VIRMA: variants seen among roughly 807,000 people sequenced by gnomAD.
The protein encoded by VIRMA is vir like m6A methyltransferase associated.
VIRMA carries 65 observed loss-of-function variants against 182.4 expected under a neutral mutation model. The ratio of observed to expected loss-of-function variants is 0.36; its 90% CI spans 0.29 to 0.44. The LOEUF (loss-of-function observed/expected upper bound fraction) is 0.44, where lower values mean the gene tolerates loss of function less well. Ranked by LOEUF, VIRMA falls within the 20% of genes least tolerant of loss-of-function variation. The probability of loss-of-function intolerance (pLI) is 1.00; values close to 1 mark genes in which losing one functional copy is unlikely to be tolerated. For missense variants in VIRMA, 1,752 were observed against 2,158.1 expected (o/e 0.81, Z 3.73); for synonymous variants, 709 against 743.1 (o/e 0.95, Z 0.75).
In VIRMA at chr8:94,525,121, A is replaced by G. The variant is rs1586093376; in HGVS notation, c.2021+1102T>C. On this transcript the variant is annotated intron_variant, in intron 8 of 23. Transcript: ENST00000297591. Reference sequence around the variant, plus strand: ...CCTTTCTTTCTCAGGGTTCCCCCCAAAGGGATTAAAGGGTGCTCGGACCAC... The same window carrying G: ...CCTTTCTTTCTCAGGGTTCCCCCCAGAGGGATTAAAGGGTGCTCGGACCAC... Among the ~76,000 whole-genome samples the G allele has an allele frequency of 2.0e-5, 3 of 152,310 alleles. No homozygotes were observed. In the East Asian group the frequency reaches 5.8e-4, roughly 29 times the overall value.
Position 94,515,280 on chromosome 8 carries a change from A to G in VIRMA, c.2669-329T>C, listed in dbSNP as rs566942643. Among the ~76,000 whole-genome samples, 2 of 152,138 alleles carry G rather than the reference A, an allele frequency of 1.3e-5. 1 individual carries two copies. Among genetic ancestry groups the G allele is most frequent in the African/African-American group, 4.8e-5 (2 of 41,504 alleles). ...CCTGGCCGATTTTTGTATTTTTAGC[A>G]GAGACGGGGTTTCACCACGTTGGCC... On this transcript the variant is annotated intron_variant, in intron 10 of 23. Transcript: ENST00000297591.
At position 94,543,931 on chromosome 8, in the gene VIRMA, A is replaced by C. The variant is rs1563482299; in HGVS notation, c.75T>G (p.His25Gln). Residue 25 changes from histidine (H) to glutamine (Q), a missense_variant, in exon 2 of 24, where the codon CAT (histidine) becomes CAG (glutamine). Physicochemically the swap from His to Gln is conservative, Grantham distance 24. This residue lies in a region of VIRMA where 195 missense variants were observed against 191.7 expected (regional missense o/e 1.02). Transcript: ENST00000297591. ...FKHPSAEQSSHIDVVRFPCVV... is the reference protein window; with the variant it reads ...FKHPSAEQSSQIDVVRFPCVV... ...CACATGGAAAACGAACCACATCTAT[A>C]TGAGAACTTTGCTGTAACAAAAAAA... 2 of 1,599,908 alleles carry C rather than the reference A, an allele frequency of 1.3e-6. No individual in the cohort carries two copies. The highest frequency in any genetic ancestry group is 1.7e-6 in the Non-Finnish European group (2 of 1,169,514).
intron 3 of VIRMA, among the ~76,000 whole-genome samples, chr8:94,537,521 C>A (rs967566096): frequency 2.2e-4 from 33 of 151,992 alleles, no homozygotes; most frequent in Non-Finnish European, 4.3e-4. Context: ...TAAAAACACC[C>A]CCAAATACTA....
At chr8:94,518,695 T>C (rs1224739213) in intron 9 of VIRMA, among the ~76,000 whole-genome samples, 1 of 152,242 alleles carries the variant, frequency 6.6e-6, no homozygotes, top group African/African-American at 2.4e-5. Context: ...TACGTATTCC[T>C]GTGCCTTAGA....
chr8:94,502,680 C>A (rs935104762), intron 16 of VIRMA, among the ~76,000 whole-genome samples: 25 of 152,060 alleles, frequency 1.6e-4, no homozygotes, highest in African/African-American at 5.8e-4. Flanking sequence ...GAACCAGGGG[C>A]TCCTTGGAGA....
chr8:94,530,852 C>G, intron 6 of VIRMA, 111 bp downstream of exon 6: 2 of 1,167,018 alleles, frequency 1.7e-6, no homozygotes, highest in South Asian at 3.5e-5. Flanking sequence ...GTCAAGACTG[C>G]AGTGAGCCAC....
At chr8:94,501,255 C>CAAAAAAAAAAAAAAA (rs55726504) in intron 16 of VIRMA, among the ~76,000 whole-genome samples, 2 of 72,864 alleles carry the variant, frequency 2.7e-5, no homozygotes, top group African/African-American at 6.1e-5. Context: ...GATTCCATCT[C>CAAAAAAAAAAAAAAA]AAAAAAAAAA....
intron 8 of VIRMA, among the ~76,000 whole-genome samples, chr8:94,520,691 A>G (rs927824975): frequency 6.6e-6 from 1 of 152,156 alleles, no homozygotes; most frequent in African/African-American, 2.4e-5. Flanking sequence ...ATACTACATC[A>G]TTTTATATTT....
At chr8:94,515,262 G>A (rs983218159) in intron 10 of VIRMA, among the ~76,000 whole-genome samples, 3 of 151,610 alleles carry the variant, frequency 2.0e-5, no homozygotes, top group African/African-American at 4.9e-5. Context: ...ACACCTGGCC[G>A]ATTTTTGTAT....
chr8:94,488,644 G>A lies in VIRMA; in HGVS notation c.*62C>T. 7 of 1,520,008 alleles carry A rather than the reference G, an allele frequency of 4.6e-6. No individual in the cohort carries two copies. Among genetic ancestry groups the A allele is most frequent in the Non-Finnish European group, 6.3e-6 (7 of 1,109,914 alleles). 94.2% of individuals were successfully genotyped at this position (1,520,008 alleles called of 1,614,324 possible). A position where few individuals can be genotyped will look rare whatever the true frequency, so the allele number is the denominator to read the frequency against. On this transcript the variant is annotated 3_prime_UTR_variant, in exon 24 of 24. Coordinates refer to ENST00000297591, the MANE Select transcript of VIRMA (RefSeq NM_015496.5). ...GCTAAGTCTAAATTGGTCCTTCAATGTCTTATTTTTATTGTCCTCGTGAAA... is the reference window on the plus strand; with the variant it reads ...GCTAAGTCTAAATTGGTCCTTCAATATCTTATTTTTATTGTCCTCGTGAAA...
chr8:94,511,513 A>C lies in VIRMA; in HGVS notation c.3062T>G (p.Leu1021Arg). The C allele has an allele frequency of 6.2e-7, 1 of 1,614,188 alleles. No individual in the cohort carries two copies. ...CTTAAACTCAAAGGATCCACCTCTC[A>C]GGAGTTCCGTTAACATAGTTTTAAG... The part of the protein sequence containing the change: ...TLLKTMLTEL[L>R]RGGSFEFKDM... Residue 1021 changes from leucine (L) to arginine (R), a missense_variant, in exon 13 of 24, where the codon CTG becomes CGG. Around this residue, in one of 11 missense-constraint regions of VIRMA, gnomAD observed 777 missense variants for 920.6 expected, o/e 0.84. Transcript: ENST00000297591.
chr8:94,533,553 C>T (rs1344079802), intron 5 of VIRMA: 1 of 151,974 alleles, frequency 6.6e-6, no homozygotes, highest in Admixed American at 6.6e-5. Context: ...GAGATCCTCC[C>T]ACCTCAGCCT....
At chr8:94,494,276 G>A (rs990051249) in intron 20 of VIRMA, among the ~76,000 whole-genome samples, 1 of 152,110 alleles carries the variant, frequency 6.6e-6, no homozygotes, top group Non-Finnish European at 1.5e-5. Context: ...AACAGAGTGA[G>A]ACTTTATCTA....
intron 3 of VIRMA, 29 bp from the exon 4 acceptor site, chr8:94,537,180 A>C: frequency 7.1e-7 from 1 of 1,405,328 alleles, no homozygotes; most frequent in Non-Finnish European, 1.0e-6. Context: ...TAAATATGTA[A>C]GCTCAAACAC....
intron 8 of VIRMA, among the ~76,000 whole-genome samples, chr8:94,524,501 C>T (rs10217108): frequency 0.04 from 6,062 of 152,042 alleles, 131 homozygotes; most frequent in Non-Finnish European, 0.05. Context: ...GACAGGGTTT[C>T]GTCATGTTGG....
At chr8:94,515,005 G>T (rs1403761459) in intron 10 of VIRMA, 54 bp from the exon 11 acceptor site, 3 of 873,324 alleles carry the variant, frequency 3.4e-6, no homozygotes, top group Non-Finnish European at 5.1e-6. Flanking sequence ...TTATAACAAA[G>T]AAAGTAAATA....
Position 94,553,453 on chromosome 8 carries a change from C to A in VIRMA, c.-6G>T. 6.2e-7 allele frequency: 1 copy of A among 1,614,102 alleles called. No homozygotes were observed. Among genetic ancestry groups the A allele is most frequent in the African/African-American group, 1.3e-5 (1 of 75,052 alleles). ...ATCGCCGAGTCCACCGCCATGTTTGCCGCGGGCGGGGAACAGGGGGGAGGA... is the reference window on the plus strand; with the variant it reads ...ATCGCCGAGTCCACCGCCATGTTTGACGCGGGCGGGGAACAGGGGGGAGGA... On this transcript the variant is annotated 5_prime_UTR_variant, in exon 1 of 24. Coordinates refer to ENST00000297591, the MANE Select transcript of VIRMA (RefSeq NM_015496.5).
chr8:94,543,689 A>G, intron 2 of VIRMA, 138 bp downstream of exon 2: 1 of 564,376 alleles, frequency 1.8e-6, no homozygotes, highest in Non-Finnish European at 3.2e-6. Context: ...AGAGCCAATT[A>G]CAATGCAGCA....
chr8:94,514,907 T>C lies in VIRMA; in HGVS notation c.2713A>G (p.Ile905Val). 1.3e-6 allele frequency: 2 copies of C among 1,591,582 alleles called. No homozygotes were observed. The highest frequency in any genetic ancestry group is 1.7e-6 in the Non-Finnish European group (2 of 1,165,790). ...TCAATTAAGTTTGGGATGCAGTTAATTTCAAATCTAAGGTTTTTCAGAGGT... is the reference window on the plus strand; with the variant it reads ...TCAATTAAGTTTGGGATGCAGTTAACTTCAAATCTAAGGTTTTTCAGAGGT... ...LEPLKNLRFEINCIPNLIEYV... is the reference protein window; with the variant it reads ...LEPLKNLRFEVNCIPNLIEYV... The change falls in exon 11 of 24, where the codon ATT becomes GTT. Residue 905 changes from isoleucine (I) to valine (V), a missense_variant. Ile to Val is a conservative substitution (Grantham distance 29). This residue lies in a region of VIRMA where 777 missense variants were observed against 920.6 expected (regional missense o/e 0.84). Transcript: ENST00000297591.
Sources: gnomAD v4.1 joint callset for allele counts (sites outside exome capture counted in the v4.1 genomes callset) on GRCh38, gnomAD v4.1.1 for gene constraint, gnomAD v4.1.1 regional missense constraint, MANE v1.5 for transcripts, NCBI Gene and HGNC (gene_info 2026-07-23, HGNC 2026-07-21) for gene names.